Variants in ENTREP1 observed in about 807,000 individuals in gnomAD.
ENTREP1 encodes the protein Friedreich ataxia region gene X123.
chr9:69,359,665 G>A, the ENTREP1 span, among the ~76,000 whole-genome samples: 13 of 152,150 alleles, frequency 8.5e-5, no homozygotes, highest in African/African-American at 3.1e-4. Context: ...ACCTGGTCTT[G>A]GGCAGTTCTT....
chr9:69,370,400 G>A, the ENTREP1 span, among the ~76,000 whole-genome samples: 4 of 152,128 alleles, frequency 2.6e-5, no homozygotes, highest in African/African-American at 9.7e-5. Flanking sequence ...ATGATACAGT[G>A]CAAGAGGGGA....
At chr9:69,367,840 T>TATATAAATATATATATACAC in the ENTREP1 span, among the ~76,000 whole-genome samples, 1 of 82,278 alleles carries the variant, frequency 1.2e-5, no homozygotes, top group African/African-American at 3.8e-5. Context: ...TATATACACA[T>TATATAAATATATATATACAC]ATATATATAA....
At chr9:69,374,274 A>C in the ENTREP1 span, among the ~76,000 whole-genome samples, 66,530 of 151,556 alleles carry the variant, frequency 0.44, 15,309 homozygotes, top group African/African-American at 0.59. Context: ...GTTGATGGAC[A>C]GTTAGGTTGT....
chr9:69,383,636 T>G, the ENTREP1 span: 1 of 1,614,100 alleles, frequency 6.2e-7, no homozygotes, highest in Non-Finnish European at 8.5e-7. Context: ...CTAGGATGGT[T>G]GGTCCTGATG....
At chr9:69,324,744 C>G in the ENTREP1 span, 1 of 985,542 alleles carries the variant, frequency 1.0e-6, no homozygotes, top group East Asian at 1.1e-4. Context: ...CTCCAGGCAT[C>G]CCCCTCCTTG....
the ENTREP1 span, among the ~76,000 whole-genome samples, chr9:69,361,407 C>T: frequency 6.6e-6 from 1 of 152,096 alleles, no homozygotes; most frequent in Non-Finnish European, 1.5e-5. Flanking sequence ...TTGTGTCTGG[C>T]TTCTTTCAGT....
the ENTREP1 span, chr9:69,381,388 C>T: frequency 6.6e-6 from 1 of 152,198 alleles, no homozygotes; most frequent in African/African-American, 2.4e-5. Context: ...ATTTGATCAA[C>T]TTTCCCAGTA....
the ENTREP1 span, among the ~76,000 whole-genome samples, chr9:69,342,252 A>C: frequency 6.6e-5 from 10 of 152,294 alleles, no homozygotes; most frequent in Admixed American, 1.3e-4. Flanking sequence ...CCTTTTATGT[A>C]GATAAGAGAA....
the ENTREP1 span, among the ~76,000 whole-genome samples, chr9:69,364,922 G>A: frequency 6.6e-6 from 1 of 152,084 alleles, no homozygotes; most frequent in Non-Finnish European, 1.5e-5. Context: ...CTTGTACTTG[G>A]CAGCCCCTCC....
At chr9:69,384,801 A>G in the ENTREP1 span, among the ~76,000 whole-genome samples, 1 of 152,226 alleles carries the variant, frequency 6.6e-6, no homozygotes, top group Admixed American at 6.5e-5. Context: ...CAGCAGTACT[A>G]TTTGTAATGT....
chr9:69,341,080 A>G, the ENTREP1 span, among the ~76,000 whole-genome samples: 2 of 152,120 alleles, frequency 1.3e-5, no homozygotes, highest in Non-Finnish European at 2.9e-5. Flanking sequence ...GGTGGCAGGT[A>G]TTTTTCCTTG....
the ENTREP1 span, among the ~76,000 whole-genome samples, chr9:69,354,017 C>T: frequency 6.6e-6 from 1 of 152,058 alleles, no homozygotes; most frequent in Non-Finnish European, 1.5e-5. Context: ...TCTCTTTTGC[C>T]ATTGGATTAT....
At chr9:69,383,383 T>G in the ENTREP1 span, 5 of 1,289,700 alleles carry the variant, frequency 3.9e-6, no homozygotes, top group African/African-American at 7.5e-5. Flanking sequence ...ATTGTTTGCT[T>G]TTTGACTGAT....
At chr9:69,385,734 C>T in the ENTREP1 span, 16 of 1,448,824 alleles carry the variant, frequency 1.1e-5, no homozygotes, top group South Asian at 1.8e-4. Flanking sequence ...TTGAGGACTG[C>T]AGCTGGTGAG....
At chr9:69,346,599 C>T in the ENTREP1 span, among the ~76,000 whole-genome samples, 1 of 152,140 alleles carries the variant, frequency 6.6e-6, no homozygotes, top group Non-Finnish European at 1.5e-5. Flanking sequence ...TTGTCAGTGT[C>T]TTAACATTTA....
the ENTREP1 span, among the ~76,000 whole-genome samples, chr9:69,371,115 C>T: frequency 6.6e-6 from 1 of 152,088 alleles, no homozygotes; most frequent in African/African-American, 2.4e-5. Context: ...CCCTGTGTTT[C>T]ACTTATATTC....
At chr9:69,342,157 TGTTA>T in the ENTREP1 span, among the ~76,000 whole-genome samples, 1 of 150,836 alleles carries the variant, frequency 6.6e-6, no homozygotes, top group Non-Finnish European at 1.5e-5. Context: ...TCTTCAGAAT[TGTTA>T]GTAATACATT....
At chr9:69,381,516 G>A in the ENTREP1 span, 6 of 152,148 alleles carry the variant, frequency 3.9e-5, no homozygotes, top group African/African-American at 1.2e-4. Context: ...TGGGTCCCAC[G>A]ATAGGCAATG....
At chr9:69,361,899 C>T in the ENTREP1 span, among the ~76,000 whole-genome samples, 1 of 152,060 alleles carries the variant, frequency 6.6e-6, no homozygotes, top group East Asian at 1.9e-4. Context: ...CAACTTTCTA[C>T]CTTCTAAAAT....
Sources: allele counts gnomAD v4.1 joint callset (sites outside exome capture counted in the v4.1 genomes callset), GRCh38; gene constraint gnomAD v4.1.1; transcripts MANE v1.5; gene names NCBI Gene and HGNC (gene_info 2026-07-23, HGNC 2026-07-21).